Variants in WWOX observed in about 807,000 individuals in gnomAD.
The protein encoded by WWOX is WW domain-containing oxidoreductase.
Under a neutral mutation model 46.2 loss-of-function variants are expected in WWOX, and 69 were observed. The ratio of observed to expected loss-of-function variants is 1.49; its 90% CI spans 1.23 to 1.82. The LOEUF (loss-of-function observed/expected upper bound fraction) is 1.82. Among genes scored for constraint, WWOX ranks in the 40% most tolerant of loss-of-function variants. The pLI is 0.00. For missense variants in WWOX, 919 were observed against 542.6 expected (o/e 1.69, Z -6.89); for synonymous variants, 359 against 202.6 (o/e 1.77, Z -6.56).
chr16:78,910,704 A>G (rs2045087494), intron 8 of WWOX, among the ~76,000 whole-genome samples: 1 of 151,862 alleles, frequency 6.6e-6, no homozygotes, highest in Non-Finnish European at 1.5e-5. Flanking sequence ...CAGGCAAGAG[A>G]ACTTGTGCAG....
intron 8 of WWOX, among the ~76,000 whole-genome samples, chr16:78,853,504 A>G (rs1273302160): frequency 6.6e-6 from 1 of 152,180 alleles, no homozygotes; most frequent in African/African-American, 2.4e-5. Context: ...AGTTTCAGCA[A>G]ACATTCCATA....
At chr16:78,556,746 C>A (rs112875230) in intron 8 of WWOX, among the ~76,000 whole-genome samples, 1 of 152,076 alleles carries the variant, frequency 6.6e-6, no homozygotes, top group African/African-American at 2.4e-5. Flanking sequence ...GATGGACTTT[C>A]GCTTTTTTGC....
intron 8 of WWOX, among the ~76,000 whole-genome samples, chr16:79,043,321 G>T (rs545146032): frequency 1.3e-5 from 2 of 152,190 alleles, no homozygotes; most frequent in African/African-American, 4.8e-5. Context: ...CAGAAATTAG[G>T]ATTAAAAAAA....
chr16:78,128,251 A>ACG (rs1250607740), intron 4 of WWOX, among the ~76,000 whole-genome samples: 1 of 152,092 alleles, frequency 6.6e-6, no homozygotes, highest in African/African-American at 2.4e-5. Flanking sequence ...TTCAGGGTTT[A>ACG]CGAAGTGAAC....
chr16:78,148,520 T>G (rs2098361493), intron 4 of WWOX, among the ~76,000 whole-genome samples: 2 of 152,138 alleles, frequency 1.3e-5, no homozygotes, highest in South Asian at 4.1e-4. Context: ...TTACATTTTT[T>G]TTTTTAACAG....
chr16:78,998,427 A>G (rs73567361), intron 8 of WWOX, among the ~76,000 whole-genome samples: 3,646 of 152,240 alleles, frequency 0.024, 162 homozygotes, highest in African/African-American at 0.083. Flanking sequence ...ATGTGTTTGT[A>G]GAAGGAACTT....
At chr16:78,585,099 A>C (rs528271059) in intron 8 of WWOX, among the ~76,000 whole-genome samples, 90 of 152,300 alleles carry the variant, frequency 5.9e-4, no homozygotes, top group African/African-American at 2.0e-3. Context: ...CCTGAACCTA[A>C]AAAGAAATTC....
chr16:78,314,405 CAAAA>C (rs56032982), intron 5 of WWOX, among the ~76,000 whole-genome samples: 8 of 101,490 alleles, frequency 7.9e-5, no homozygotes, highest in Non-Finnish European at 1.4e-4. Context: ...GACTCTGTCT[CAAAA>C]AAAAAAAAAA....
intron 8 of WWOX, among the ~76,000 whole-genome samples, chr16:79,145,619 A>G (rs2050170161): frequency 1.3e-5 from 2 of 152,340 alleles, no homozygotes; most frequent in South Asian, 4.1e-4. Context: ...TTTAACAAAT[A>G]CAGTAAGACA....
At chr16:78,827,041 A>G (rs1002981555) in intron 8 of WWOX, among the ~76,000 whole-genome samples, 1 of 152,086 alleles carries the variant, frequency 6.6e-6, no homozygotes, top group Non-Finnish European at 1.5e-5. Flanking sequence ...CATGTTATAG[A>G]TGGTGCAAGG....
chr16:78,619,727 A>T (rs2046130517), intron 8 of WWOX, among the ~76,000 whole-genome samples: 1 of 151,894 alleles, frequency 6.6e-6, no homozygotes. Context: ...CAACATCATG[A>T]GACCCCATCT....
chr16:79,129,272 G>A lies in WWOX; in HGVS notation c.1057-82336G>A, dbSNP rs540972903. 9.9e-5 allele frequency among the ~76,000 whole-genome samples: 15 copies of A among 151,130 alleles called. No homozygotes were observed. The South Asian group carries it at 1.5e-3, about 15-fold the overall frequency. On this transcript the variant is annotated intron_variant, in intron 8 of 8. Coordinates refer to ENST00000566780, the MANE Select transcript of WWOX (RefSeq NM_016373.4). ...CGCAAAATAGAGATGTAGTTTTAGC[G>A]TGCTGCCCAATATTAAAAGATTGTA... is the stretch of plus-strand genomic sequence containing the variant.
chr16:78,539,858 C>G (rs754526145), intron 8 of WWOX, among the ~76,000 whole-genome samples: 1 of 152,144 alleles, frequency 6.6e-6, no homozygotes, highest in African/African-American at 2.4e-5. Flanking sequence ...TACTGTACCT[C>G]TATTGGGAAA....
At chr16:78,685,288 C>T (rs372958532) in intron 8 of WWOX, among the ~76,000 whole-genome samples, 1 of 152,082 alleles carries the variant, frequency 6.6e-6, no homozygotes, top group East Asian at 1.9e-4. Context: ...AGTGATGAGG[C>T]CTGGGGACGT....
chr16:78,851,814 C>G (rs1256047372), intron 8 of WWOX, among the ~76,000 whole-genome samples: 1 of 152,230 alleles, frequency 6.6e-6, no homozygotes, highest in Non-Finnish European at 1.5e-5. Context: ...TAGGATTTCA[C>G]TTGCTAATGC....
intron 8 of WWOX, among the ~76,000 whole-genome samples, chr16:78,739,693 C>T (rs1002454348): frequency 1.3e-5 from 2 of 152,098 alleles, no homozygotes; most frequent in Non-Finnish European, 2.9e-5. Context: ...TGCCTGTAAT[C>T]CCAGCTACTG....
At position 78,176,768 on chromosome 16, in the gene WWOX, A is replaced by G. The variant is rs78102673; in HGVS notation, c.516+12479A>G. On this transcript the variant is annotated intron_variant, in intron 5 of 8. Transcript: ENST00000566780. ...AGAGAATTAGTTGATGAATTACAGG[A>G]TGCTTAAAATCTACATCAAATTGCA... Among the ~76,000 whole-genome samples, 33 of 152,332 alleles carry G rather than the reference A, an allele frequency of 2.2e-4. No individual in the cohort carries two copies. The East Asian group carries it at 2.9e-3, about 13-fold the overall frequency.
intron 5 of WWOX, among the ~76,000 whole-genome samples, chr16:78,170,980 G>A (rs1222741784): frequency 6.6e-6 from 1 of 152,138 alleles, no homozygotes; most frequent in Non-Finnish European, 1.5e-5. Flanking sequence ...AGTTGATATC[G>A]GGTCTATTTA....
chr16:78,736,874 G>A (rs1567526132), intron 8 of WWOX, among the ~76,000 whole-genome samples: 1 of 152,086 alleles, frequency 6.6e-6, no homozygotes, highest in Non-Finnish European at 1.5e-5. Context: ...ATCCCAAAGT[G>A]CTGGGATTAT....
Sources: allele counts gnomAD v4.1 joint callset (sites outside exome capture counted in the v4.1 genomes callset), GRCh38; gene constraint gnomAD v4.1.1; transcripts MANE v1.5; gene names NCBI Gene and HGNC (gene_info 2026-07-23, HGNC 2026-07-21).